Variants in ELMO1 observed in about 807,000 individuals in gnomAD.
ELMO1 encodes the protein engulfment and cell motility protein 1.
In ELMO1, 26 loss-of-function variants were observed where a neutral mutation model predicts 98.9. The observed-to-expected ratio is 0.26, with a 90% CI of 0.19 to 0.36. The LOEUF (loss-of-function observed/expected upper bound fraction) is 0.36, where lower values mean the gene tolerates loss of function less well. Ranked by LOEUF, ELMO1 falls within the 10% of genes least tolerant of loss-of-function variation. The probability of loss-of-function intolerance (pLI) is 1.00; values close to 1 mark genes in which losing one functional copy is unlikely to be tolerated. For synonymous variants in ELMO1, 346 were observed against 346.0 expected (o/e 1.00, Z 0.00); for missense variants, 627 against 935.2 (o/e 0.67, Z 4.30).
At chr7:37,184,631 G>C (rs1462055762) in intron 13 of ELMO1, among the ~76,000 whole-genome samples, 1 of 152,182 alleles carries the variant, frequency 6.6e-6, no homozygotes, top group African/African-American at 2.4e-5. Context: ...AGTCCGTCAT[G>C]GCATGATGGC....
intron 15 of ELMO1, among the ~76,000 whole-genome samples, chr7:37,074,367 T>C (rs552426816): frequency 3.4e-3 from 523 of 152,274 alleles, no homozygotes; most frequent in Non-Finnish European, 5.7e-3. Context: ...AACTACTCTT[T>C]GCTCAGTAGC....
intron 4 of ELMO1, among the ~76,000 whole-genome samples, chr7:37,303,300 A>T (rs1798439001): frequency 6.6e-6 from 1 of 152,252 alleles, no homozygotes; most frequent in South Asian, 2.1e-4. Flanking sequence ...TTTTAAAAAT[A>T]GAAAACAGAC....
intron 15 of ELMO1, among the ~76,000 whole-genome samples, chr7:37,082,793 C>T (rs142649496): frequency 2.2e-3 from 341 of 152,282 alleles, no homozygotes; most frequent in African/African-American, 7.5e-3. Flanking sequence ...AGCTGAGAGT[C>T]GTCACACCTG....
At chr7:37,373,974 C>T (rs746833067) in intron 1 of ELMO1, among the ~76,000 whole-genome samples, 5 of 152,160 alleles carry the variant, frequency 3.3e-5, no homozygotes, top group Non-Finnish European at 7.3e-5. Flanking sequence ...GGAAAATGTA[C>T]AGTGTTGGAT....
chr7:37,020,168 C>T (rs930977400), intron 15 of ELMO1, among the ~76,000 whole-genome samples: 1 of 152,116 alleles, frequency 6.6e-6, no homozygotes, highest in Non-Finnish European at 1.5e-5. Context: ...GATTTCCTAC[C>T]TGCAAATGAG....
chr7:37,121,964 G>C (rs1193327463), intron 14 of ELMO1, among the ~76,000 whole-genome samples: 1 of 152,208 alleles, frequency 6.6e-6, no homozygotes, highest in Admixed American at 6.5e-5. Context: ...AGCCAGAAGA[G>C]AGTGGGAGCC....
At chr7:36,987,351 G>C (rs1791583803) in intron 16 of ELMO1, among the ~76,000 whole-genome samples, 1 of 152,142 alleles carries the variant, frequency 6.6e-6, no homozygotes, top group East Asian at 1.9e-4. Flanking sequence ...TCAGACTCGA[G>C]GGGGCTCATA....
intron 1 of ELMO1, among the ~76,000 whole-genome samples, chr7:37,362,808 A>G (rs901345626): frequency 6.6e-6 from 1 of 152,000 alleles, no homozygotes; most frequent in Non-Finnish European, 1.5e-5. Context: ...TCTTCTGAGC[A>G]CTCTAGGGGA....
intron 15 of ELMO1, among the ~76,000 whole-genome samples, chr7:37,032,906 G>A (rs1177025661): frequency 6.6e-6 from 1 of 152,166 alleles, no homozygotes; most frequent in Admixed American, 6.5e-5. Flanking sequence ...CAAGTGTCTG[G>A]AGAGTCCAGG....
chr7:37,271,005 C>G (rs1796529350), intron 5 of ELMO1: 1 of 151,934 alleles, frequency 6.6e-6, no homozygotes. Flanking sequence ...GTGGCACTAC[C>G]TCTGCTCACT....
chr7:36,956,752 T>A (rs1465386013), intron 16 of ELMO1, among the ~76,000 whole-genome samples: 2 of 152,242 alleles, frequency 1.3e-5, no homozygotes, highest in African/African-American at 2.4e-5. Context: ...GGCAATTTTT[T>A]AAATGACTAC....
chr7:37,153,964 A>G (rs1788545927), intron 13 of ELMO1, among the ~76,000 whole-genome samples: 1 of 152,150 alleles, frequency 6.6e-6, no homozygotes, highest in African/African-American at 2.4e-5. Context: ...CAGAGGAAGG[A>G]TCAGGCAGCA....
At chr7:37,261,633 T>G (rs1267652463) in intron 5 of ELMO1, among the ~76,000 whole-genome samples, 2 of 152,032 alleles carry the variant, frequency 1.3e-5, no homozygotes, top group Non-Finnish European at 2.9e-5. Context: ...TAGGGAGTCT[T>G]GCTCTGTCAC....
chr7:37,148,908 A>C (rs1294831018), intron 13 of ELMO1, among the ~76,000 whole-genome samples: 1 of 152,108 alleles, frequency 6.6e-6, no homozygotes, highest in South Asian at 2.1e-4. Flanking sequence ...TCCCTTTTTC[A>C]TTCATCCCCA....
chr7:36,857,001 G>A (rs1183664489), intron 21 of ELMO1, among the ~76,000 whole-genome samples: 1 of 152,146 alleles, frequency 6.6e-6, no homozygotes, highest in Non-Finnish European at 1.5e-5. Context: ...AAAGTATACT[G>A]CAAGCACTAT....
chr7:37,253,271 T>C (rs192237398), intron 6 of ELMO1, among the ~76,000 whole-genome samples: 1 of 152,322 alleles, frequency 6.6e-6, no homozygotes, highest in African/African-American at 2.4e-5. Flanking sequence ...TAAAGACACA[T>C]GCACACGTAT....
At chr7:37,086,397 G>A (rs1426097203) in intron 15 of ELMO1, among the ~76,000 whole-genome samples, 2 of 151,018 alleles carry the variant, frequency 1.3e-5, no homozygotes, top group African/African-American at 4.9e-5. Context: ...GAGGGTGAAT[G>A]ATAAAACATA....
At chr7:37,353,218 T>C (rs1583613426) in intron 1 of ELMO1, 1 of 152,146 alleles carries the variant, frequency 6.6e-6, no homozygotes, top group Non-Finnish European at 1.5e-5. Flanking sequence ...CCTGCTAAGG[T>C]CCTTTTGTGT....
At chr7:37,182,464 T>TACC (rs1790933131) in intron 13 of ELMO1, among the ~76,000 whole-genome samples, 1 of 97,972 alleles carries the variant, frequency 1.0e-5, no homozygotes, top group Non-Finnish European at 2.0e-5. Context: ...GTGCTCTACT[T>TACC]TTTTTTTTTT....
Sources: gnomAD v4.1 joint callset for allele counts (sites outside exome capture counted in the v4.1 genomes callset) on GRCh38, gnomAD v4.1.1 for gene constraint, MANE v1.5 for transcripts, NCBI Gene and HGNC (gene_info 2026-07-23, HGNC 2026-07-21) for gene names.